The following HSD17B12 variants were observed in gnomAD, a reference collection of about 807,000 sequenced individuals.
HSD17B12 encodes the protein hydroxysteroid 17-beta dehydrogenase 12, also known as very-long-chain 3-oxoacyl-CoA reductase.
A neutral mutation model predicts 39.3 loss-of-function variants in HSD17B12; 32 were observed. The ratio of observed to expected loss-of-function variants is 0.81; its 90% CI spans 0.61 to 1.09. The LOEUF is 1.09. Among genes scored for constraint, HSD17B12 ranks in the 50% least tolerant of loss-of-function variants. The probability of loss-of-function intolerance (pLI) is 0.00; values close to 1 mark genes in which losing one functional copy is unlikely to be tolerated. For missense variants in HSD17B12, 342 were observed against 382.9 expected (o/e 0.89, Z 0.89); for synonymous variants, 150 against 146.7 (o/e 1.02, Z -0.16).
intron 1 of HSD17B12, among the ~76,000 whole-genome samples, chr11:43,706,724 T>TGTGTGTGTGTGTGTGTTGG (rs1204580097): frequency 1.2e-5 from 1 of 80,304 alleles, no homozygotes; most frequent in African/African-American, 4.5e-5. Context: ...GTGTGTGTTG[T>TGTGTGTGTGTGTGTGTTGG]GGGGGGTGGG....
chr11:43,559,591 C>T, the HSD17B12 span: 1 of 156,036 alleles, frequency 6.4e-6, no homozygotes. Flanking sequence ...GCCACATACA[C>T]AAGGAAACAG....
chr11:43,706,529 T>A (rs965943743), intron 1 of HSD17B12, among the ~76,000 whole-genome samples: 1 of 151,902 alleles, frequency 6.6e-6, no homozygotes, highest in Non-Finnish European at 1.5e-5. Flanking sequence ...GGCAACAGAG[T>A]GAGACTCTGT....
chr11:43,680,645 G>T, upstream of HSD17B12: 3 of 619,962 alleles, frequency 4.8e-6, no homozygotes, highest in South Asian at 3.6e-5. Flanking sequence ...CGCACTACGC[G>T]CAGAGGGAAA....
At position 43,815,504 on chromosome 11, in the gene HSD17B12, A is replaced by C; in HGVS notation, c.456+3A>C. On this transcript the variant is annotated splice_donor_region_variant and intron_variant, in intron 5 of 10. Transcript: ENST00000278353. ...TGGATGTTCCTGACTTGGACAATGT[A>C]AGTCTTTCTTTGTGTATTATGGTAA... 1.3e-6 allele frequency: 2 copies of C among 1,546,566 alleles called. No individual in the cohort carries two copies. The highest frequency in any genetic ancestry group is 2.4e-5 in the South Asian group (2 of 82,298).
chr11:43,813,952 C>G (rs1233406065), intron 4 of HSD17B12, among the ~76,000 whole-genome samples: 1 of 151,996 alleles, frequency 6.6e-6, no homozygotes, highest in Non-Finnish European at 1.5e-5. Context: ...AATATAAAAC[C>G]CTTACTGAGT....
At chr11:43,597,970 G>A in the HSD17B12 span, among the ~76,000 whole-genome samples, 1 of 152,090 alleles carries the variant, frequency 6.6e-6, no homozygotes, top group African/African-American at 2.4e-5. Context: ...ACTTCAAGGG[G>A]AGTCAAGAGA....
At chr11:43,654,545 T>C in the HSD17B12 span, among the ~76,000 whole-genome samples, 2 of 152,036 alleles carry the variant, frequency 1.3e-5, no homozygotes, top group Non-Finnish European at 2.9e-5. Context: ...CATGTAAGTC[T>C]TTAATCCATC....
chr11:43,679,902 A>G (rs1033293501), upstream of HSD17B12, among the ~76,000 whole-genome samples: 1 of 152,112 alleles, frequency 6.6e-6, no homozygotes, highest in Non-Finnish European at 1.5e-5. Context: ...GCAGCGAGGA[A>G]GGCACAGACA....
chr11:43,742,694 A>G (rs575268445), intron 1 of HSD17B12, among the ~76,000 whole-genome samples: 2 of 152,032 alleles, frequency 1.3e-5, no homozygotes, highest in East Asian at 3.9e-4. Flanking sequence ...TAATTATTGT[A>G]GAACTACAGT....
At chr11:43,592,758 T>G in the HSD17B12 span, among the ~76,000 whole-genome samples, 1 of 152,104 alleles carries the variant, frequency 6.6e-6, no homozygotes, top group Non-Finnish European at 1.5e-5. Flanking sequence ...AAAATATGGC[T>G]TATAGAGCCA....
intron 3 of HSD17B12, among the ~76,000 whole-genome samples, chr11:43,796,951 T>A (rs1410092925): frequency 6.6e-6 from 1 of 152,178 alleles, no homozygotes; most frequent in African/African-American, 2.4e-5. Context: ...CCAGCTATTG[T>A]GAAATTACAG....
At chr11:43,759,082 C>T (rs925544238) in intron 3 of HSD17B12, among the ~76,000 whole-genome samples, 3 of 152,188 alleles carry the variant, frequency 2.0e-5, no homozygotes, top group Non-Finnish European at 2.9e-5. Context: ...TTTAAACTCA[C>T]TCCAATGGGT....
chr11:43,686,871 AAG>A (rs1235667037), intron 1 of HSD17B12, among the ~76,000 whole-genome samples: 3 of 152,186 alleles, frequency 2.0e-5, no homozygotes, highest in African/African-American at 7.2e-5. Context: ...GTTTAGAAGA[AAG>A]AGTTGATATC....
At chr11:43,564,901 T>C in the HSD17B12 span, among the ~76,000 whole-genome samples, 154 of 65,064 alleles carry the variant, frequency 2.4e-3, 1 homozygote, top group South Asian at 0.04. Context: ...TCTTCTTCTT[T>C]TTTTTTTTTT....
chr11:43,590,710 C>T, the HSD17B12 span, among the ~76,000 whole-genome samples: 1 of 150,726 alleles, frequency 6.6e-6, no homozygotes, highest in Admixed American at 6.6e-5. Context: ...CGAGGTTTCA[C>T]CGTGTTAGCC....
At chr11:43,855,056 A>C (rs1485179311) in intron 10 of HSD17B12, 88 bp from the exon 11 acceptor site, 3 of 1,118,748 alleles carry the variant, frequency 2.7e-6, no homozygotes, top group Non-Finnish European at 3.9e-6. Context: ...AATAAAAACA[A>C]CACTATAATA....
At chr11:43,693,827 T>C (rs1171824331) in intron 1 of HSD17B12, among the ~76,000 whole-genome samples, 1 of 152,218 alleles carries the variant, frequency 6.6e-6, no homozygotes, top group African/African-American at 2.4e-5. Flanking sequence ...CAGCTTTGCT[T>C]TACTGATAGC....
chr11:43,589,280 T>C, the HSD17B12 span, among the ~76,000 whole-genome samples: 1 of 152,214 alleles, frequency 6.6e-6, no homozygotes, highest in East Asian at 1.9e-4. Flanking sequence ...TCAAAATCTT[T>C]GTTCTCCTCC....
At chr11:43,840,762 T>C (rs186173541) in intron 9 of HSD17B12, among the ~76,000 whole-genome samples, 1 of 152,318 alleles carries the variant, frequency 6.6e-6, no homozygotes, top group African/African-American at 2.4e-5. Flanking sequence ...ATTTTGCTTA[T>C]CCATTTACAT....
Sources: allele counts gnomAD v4.1 joint callset (sites outside exome capture counted in the v4.1 genomes callset), GRCh38; gene constraint gnomAD v4.1.1; transcripts MANE v1.5; gene names NCBI Gene and HGNC (gene_info 2026-07-23, HGNC 2026-07-21).